Variants in EYS observed in about 807,000 individuals in gnomAD.
The protein encoded by EYS is EGF-like photoreceptor maintenance factor, also known as protein eyes shut homolog.
A neutral mutation model predicts 282.1 loss-of-function variants in EYS; 250 were observed. That is an observed-to-expected ratio of 0.89 (90% CI 0.80 to 0.98). EYS has a LOEUF of 0.98. Among genes scored for constraint, EYS ranks in the 50% least tolerant of loss-of-function variants. The pLI is 0.00. For missense variants in EYS, 4,016 were observed against 3,709.0 expected, an observed-to-expected ratio of 1.08 and a Z score of -2.15; for synonymous variants, 1,355 against 1,282.9, an observed-to-expected ratio of 1.06 and a Z score of -1.20.
At chr6:64,433,769 T>C (rs1774647742) in intron 28 of EYS, among the ~76,000 whole-genome samples, 1 of 152,024 alleles carries the variant, frequency 6.6e-6, no homozygotes, top group South Asian at 2.1e-4. Flanking sequence ...AAACATCTAA[T>C]GTTTCTTTTA....
At chr6:65,240,394 G>A (rs1182720203) in intron 12 of EYS, among the ~76,000 whole-genome samples, 1 of 151,988 alleles carries the variant, frequency 6.6e-6, no homozygotes, top group Admixed American at 6.6e-5. Context: ...ACTGAACATC[G>A]TACCTAATGG....
At chr6:65,405,648 C>T (rs1247023589) in intron 5 of EYS, among the ~76,000 whole-genome samples, 2 of 152,030 alleles carry the variant, frequency 1.3e-5, no homozygotes, top group East Asian at 3.9e-4. Context: ...AATCTTTGTA[C>T]CCAAGCCCAG....
intron 22 of EYS, among the ~76,000 whole-genome samples, chr6:64,693,148 T>A (rs1770457030): frequency 6.6e-6 from 1 of 151,642 alleles, no homozygotes; most frequent in Non-Finnish European, 1.5e-5. Context: ...TACAGAATAA[T>A]GCAGATAGAA....
intron 22 of EYS, among the ~76,000 whole-genome samples, chr6:64,676,583 A>T (rs1051489605): frequency 6.6e-6 from 1 of 152,088 alleles, no homozygotes; most frequent in African/African-American, 2.4e-5. Context: ...AACTGTTAAC[A>T]TTTTGCCATA....
At chr6:65,607,558 T>C (rs1765841519) in intron 2 of EYS, among the ~76,000 whole-genome samples, 1 of 151,932 alleles carries the variant, frequency 6.6e-6, no homozygotes. Flanking sequence ...TTTTAATTAC[T>C]TTTTGAAAAA....
chr6:64,007,281 A>G (rs1768393455), intron 33 of EYS, among the ~76,000 whole-genome samples: 1 of 151,456 alleles, frequency 6.6e-6, no homozygotes, highest in South Asian at 2.1e-4. Flanking sequence ...GTTTGTGTGC[A>G]TAGTGGTGTT....
At chr6:63,818,002 C>G (rs1771226185) in intron 36 of EYS, among the ~76,000 whole-genome samples, 1 of 152,150 alleles carries the variant, frequency 6.6e-6, no homozygotes, top group Admixed American at 6.5e-5. Context: ...TCATGGACCT[C>G]TATAGCAGTC....
chr6:64,448,976 C>T (rs556943521), intron 26 of EYS, among the ~76,000 whole-genome samples: 4 of 152,264 alleles, frequency 2.6e-5, no homozygotes, highest in East Asian at 1.9e-4. Flanking sequence ...AACGCAGCTC[C>T]TCACCAGCAA....
intron 1 of EYS, among the ~76,000 whole-genome samples, chr6:65,652,202 T>G (rs1767677367): frequency 6.6e-6 from 1 of 152,124 alleles, no homozygotes; most frequent in Admixed American, 6.6e-5. Flanking sequence ...AAAATGCTTT[T>G]TGCAAACAAT....
chr6:65,501,536 G>A (rs76665441), intron 2 of EYS, among the ~76,000 whole-genome samples: 6,284 of 151,780 alleles, frequency 0.041, 329 homozygotes, highest in African/African-American at 0.12. Context: ...AGTGGTAAAG[G>A]AAATGGAAAG....
intron 22 of EYS, among the ~76,000 whole-genome samples, chr6:64,798,607 GTT>G (rs57597318): frequency 9.5e-4 from 101 of 106,802 alleles, no homozygotes; most frequent in African/African-American, 2.5e-3. Context: ...TTTGTTTCTG[GTT>G]TTTTTTTTTT....
chr6:65,533,715 C>T (rs1767866558), intron 2 of EYS, among the ~76,000 whole-genome samples: 1 of 152,058 alleles, frequency 6.6e-6, no homozygotes, highest in Non-Finnish European at 1.5e-5. Context: ...AAGATGCCAT[C>T]TATAAGAAAC....
chr6:65,019,354 T>C (rs1434844692), intron 13 of EYS, among the ~76,000 whole-genome samples: 2 of 152,188 alleles, frequency 1.3e-5, no homozygotes, highest in African/African-American at 4.8e-5. Context: ...TTCTGTCATA[T>C]CTATTTTATA....
chr6:64,571,547 G>GA (rs1205981475), intron 26 of EYS, among the ~76,000 whole-genome samples: 1 of 151,736 alleles, frequency 6.6e-6, no homozygotes, highest in Non-Finnish European at 1.5e-5. Flanking sequence ...TAATAAAGAA[G>GA]AAAAAACAGA....
intron 19 of EYS, among the ~76,000 whole-genome samples, chr6:64,832,860 T>C (rs1765266526): frequency 6.6e-6 from 1 of 151,980 alleles, no homozygotes; most frequent in African/African-American, 2.4e-5. Flanking sequence ...GAGTATTAAA[T>C]GTGTCTACAC....
intron 8 of EYS, among the ~76,000 whole-genome samples, chr6:65,371,725 CTCTCTCTCTCTCTCTCTG>C (rs1406551918): frequency 2.2e-4 from 26 of 116,116 alleles, no homozygotes; most frequent in Admixed American, 6.2e-4. Flanking sequence ...CTCTCTCTCT[CTCTCTCTCTCTCTCTCTG>C]TGTGTGTGTG....
At chr6:64,367,807 A>G (rs1356948944) in intron 29 of EYS, among the ~76,000 whole-genome samples, 4 of 152,048 alleles carry the variant, frequency 2.6e-5, no homozygotes, top group Admixed American at 2.6e-4. Context: ...ATGTGACCAT[A>G]GCATTACTTC....
In EYS at chr6:65,493,533, G is replaced by A. The variant is rs536432505; in HGVS notation, c.748+1130C>T. ...AACCCTCAAATAAATTCTTCCACAA[G>A]TTTCCAAGCTTTAAATGTTCCCTAC... On this transcript the variant is annotated intron_variant, in intron 4 of 42. Coordinates refer to ENST00000503581, the MANE Select transcript of EYS (RefSeq NM_001142800.2). Among the ~76,000 whole-genome samples the A allele has an allele frequency of 2.6e-5, 4 of 152,186 alleles. No individual in the cohort carries two copies. The South Asian group carries it at 6.2e-4, about 24-fold the overall frequency.
chr6:64,407,192 G>A (rs1283203626), intron 28 of EYS, among the ~76,000 whole-genome samples: 1 of 151,804 alleles, frequency 6.6e-6, no homozygotes, highest in African/African-American at 2.4e-5. Context: ...GCAAGCTAAC[G>A]CATGAACAGA....
Sources: gnomAD v4.1 joint callset for allele counts (sites outside exome capture counted in the v4.1 genomes callset) on GRCh38, gnomAD v4.1.1 for gene constraint, MANE v1.5 for transcripts, NCBI Gene and HGNC (gene_info 2026-07-23, HGNC 2026-07-21) for gene names.